The following ZNF606 variants were observed in gnomAD, a reference collection of about 807,000 sequenced individuals.
The protein encoded by ZNF606 is zinc finger protein 606, also known as zinc finger protein 328.
A neutral mutation model predicts 74.9 loss-of-function variants in ZNF606; 37 were observed. The ratio of observed to expected loss-of-function variants is 0.49; its 90% CI spans 0.38 to 0.65. ZNF606 has a LOEUF of 0.65. Ranked by LOEUF, ZNF606 falls within the 30% of genes least tolerant of loss-of-function variation. ZNF606 has a pLI of 0.00. For synonymous variants in ZNF606, 328 were observed against 312.4 expected (o/e 1.05, Z -0.53); for missense variants, 852 against 952.9 (o/e 0.89, Z 1.39).
At chr19:57,993,638 A>G (rs2073293287) in intron 4 of ZNF606, among the ~76,000 whole-genome samples, 1 of 152,214 alleles carries the variant, frequency 6.6e-6, no homozygotes, top group African/African-American at 2.4e-5. Context: ...GCCAGCAGCC[A>G]TGTACTTATA....
intron 3 of ZNF606, chr19:58,000,102 C>T (rs1194239056): frequency 7.1e-6 from 4 of 562,910 alleles, no homozygotes; most frequent in Non-Finnish European, 1.3e-5. Context: ...CCCCCCTGTG[C>T]TATTGGGTAC....
intron 4 of ZNF606, among the ~76,000 whole-genome samples, chr19:57,997,077 G>A (rs1389104088): frequency 6.6e-6 from 1 of 152,186 alleles, no homozygotes; most frequent in African/African-American, 2.4e-5. Flanking sequence ...AGATTTCATT[G>A]CAGAGAAGGA....
At chr19:57,988,354 CA>C in intron 5 of ZNF606, 52 bp from the exon 6 acceptor site, 1 of 1,557,246 alleles carries the variant, frequency 6.4e-7, no homozygotes, top group South Asian at 1.1e-5. Flanking sequence ...TCAGGACAGC[CA>C]AAGAAAGCTT....
intron 6 of ZNF606, among the ~76,000 whole-genome samples, chr19:57,981,240 C>T (rs117479305): frequency 0.024 from 3,673 of 152,194 alleles, 73 homozygotes; most frequent in Non-Finnish European, 0.042. Flanking sequence ...TTAAGTGTGC[C>T]CCATGTACGC....
At chr19:57,997,210 T>C (rs1169385896) in intron 4 of ZNF606, among the ~76,000 whole-genome samples, 4 of 152,238 alleles carry the variant, frequency 2.6e-5, no homozygotes, top group Admixed American at 2.0e-4. Flanking sequence ...ACAGAGGGGT[T>C]TGAATGCTTC....
chr19:57,987,322 T>G (rs1047402365), intron 6 of ZNF606, among the ~76,000 whole-genome samples: 3 of 152,020 alleles, frequency 2.0e-5, no homozygotes, highest in African/African-American at 7.2e-5. Flanking sequence ...CACAGCTCAC[T>G]ACAGCCTCAA....
At chr19:58,000,804 A>G (rs2073414662) in intron 2 of ZNF606, 65 bp from the exon 3 acceptor site, 1 of 1,456,516 alleles carries the variant, frequency 6.9e-7, no homozygotes, top group African/African-American at 1.4e-5. Flanking sequence ...ACAAAATACA[A>G]GAGGAGGCTG....
intron 4 of ZNF606, among the ~76,000 whole-genome samples, chr19:57,988,997 C>T (rs1247293221): frequency 6.6e-6 from 1 of 152,214 alleles, no homozygotes; most frequent in African/African-American, 2.4e-5. Flanking sequence ...TTCCAGCACA[C>T]TGGCTATGTC....
chr19:57,986,013 G>A (rs564991158), intron 6 of ZNF606, among the ~76,000 whole-genome samples: 6 of 151,994 alleles, frequency 3.9e-5, no homozygotes, highest in Non-Finnish European at 8.8e-5. Context: ...CACGTACAAG[G>A]GATCTTCAAT....
rs1164577640 is a variant in ZNF606 at position 58,001,977 on chromosome 19, C to G, written c.-52+419G>C. 2.3e-5 allele frequency: 8 copies of G among 353,442 alleles called. No individual in the cohort carries two copies. The East Asian group carries it at 5.3e-4, about 23-fold the overall frequency. The allele number at this position is 353,442 out of a possible 1,614,324, so 21.9% of individuals were successfully genotyped here. ...AGGACTTAGAGATGGGCCTGGCGCC[C>G]AGACCCCTAACTCCTCAGGTTCCAG... On this transcript the variant is annotated intron_variant, in intron 1 of 6. Transcript: ENST00000551380.
At chr19:57,987,759 C>T (rs1024685688) in intron 6 of ZNF606, among the ~76,000 whole-genome samples, 1 of 152,100 alleles carries the variant, frequency 6.6e-6, no homozygotes, top group Non-Finnish European at 1.5e-5. Context: ...ACCCGGGAGG[C>T]AGAGGTTGCA....
intron 4 of ZNF606, among the ~76,000 whole-genome samples, chr19:57,989,477 C>T (rs563521664): frequency 2.0e-5 from 3 of 152,120 alleles, no homozygotes; most frequent in East Asian, 2.0e-4. Context: ...GACAGAGTCT[C>T]GCTCTGTCGC....
intron 6 of ZNF606, among the ~76,000 whole-genome samples, chr19:57,981,761 A>G (rs13346776): frequency 0.16 from 23,636 of 152,212 alleles, 1,862 homozygotes; most frequent in African/African-American, 0.19. Flanking sequence ...GGATACCCCT[A>G]AAGTTACACT....
chr19:57,980,215 T>C lies in ZNF606; in HGVS notation c.465A>G (p.Gln155=), dbSNP rs201804347. Residue 155 remains glutamine (Q), a synonymous_variant, in exon 7 of 7, where the codon CAA becomes CAG. Coordinates refer to ENST00000551380, the MANE Select transcript of ZNF606 (RefSeq NM_001348022.3). The part of the protein sequence containing the change: ...IPAQSIFEEE[Q]SHGMKLERYI... The stretch of plus-strand genomic sequence containing the variant: ...ATCTTTCCAACTTCATGCCATGGGA[T>C]TGTTCTTCCTCAAAAATGCTCTGTG... 1.4e-5 allele frequency: 22 copies of C among 1,614,050 alleles called. No individual in the cohort carries two copies. The South Asian group carries it at 2.2e-4, about 16-fold the overall frequency.
chr19:57,992,393 A>G (rs1253721365), intron 4 of ZNF606, among the ~76,000 whole-genome samples: 1 of 152,176 alleles, frequency 6.6e-6, no homozygotes, highest in Non-Finnish European at 1.5e-5. Context: ...TACCAAATGA[A>G]TCTACTCAGG....
chr19:57,996,458 C>T (rs2073343471), intron 4 of ZNF606, among the ~76,000 whole-genome samples: 1 of 152,148 alleles, frequency 6.6e-6, no homozygotes, highest in Non-Finnish European at 1.5e-5. Flanking sequence ...CAAGATCGTC[C>T]CACTGCACTC....
In ZNF606 at chr19:57,978,426, T is replaced by C. The variant is rs2073022848; in HGVS notation, c.2254A>G (p.Ile752Val). 6.2e-7 allele frequency: 1 copy of C among 1,614,024 alleles called. No individual in the cohort carries two copies. The highest frequency in any genetic ancestry group is 8.5e-7 in the Non-Finnish European group (1 of 1,179,892). The change falls in exon 7 of 7, where the codon ATT becomes GTT. Residue 752 changes from isoleucine to valine, a missense_variant. By Grantham distance (29) the Ile-to-Val change is conservative. Around this residue, in one of 3 missense-constraint regions of ZNF606, gnomAD observed 64 missense variants for 51.1 expected, o/e 1.25. Coordinates refer to ENST00000551380, the MANE Select transcript of ZNF606 (RefSeq NM_001348022.3). The surrounding 1 kb of genome is among the most constrained non-coding windows in gnomAD (Gnocchi z 4.4). Reference sequence around the variant, plus strand: ...CCACTATGCATTCTCTGATGAATAATAAGGGAAGAATTCTTACAAAATGCT... The same window carrying C: ...CCACTATGCATTCTCTGATGAATAACAAGGGAAGAATTCTTACAAAATGCT... ...EKAFCKNSSL[I>V]IHQRMHSGEK...
At chr19:57,992,285 C>T (rs1371705203) in intron 4 of ZNF606, among the ~76,000 whole-genome samples, 1 of 152,146 alleles carries the variant, frequency 6.6e-6, no homozygotes, top group African/African-American at 2.4e-5. Context: ...CCCACTAACC[C>T]ATCATACCTG....
Position 57,978,509 on chromosome 19 carries a change from A to G in ZNF606, c.2171T>C (p.Ile724Thr), listed in dbSNP as rs2073024144. Reference sequence around the variant, plus strand: ...TCCAGTATGGTTTCTTAGGTGTACAATAAGGGATGAACTCTCATTAAATGC... The same window carrying G: ...TCCAGTATGGTTTCTTAGGTGTACAGTAAGGGATGAACTCTCATTAAATGC... ...GKAFNESSSL[I>T]VHLRNHTGEK... is the part of the protein sequence containing the mutation. The change falls in exon 7 of 7, where the codon ATT becomes ACT. Residue 724 changes from isoleucine to threonine, a missense_variant. This residue lies in a region of ZNF606 where 243 missense variants were observed against 359.2 expected (regional missense o/e 0.68). Transcript: ENST00000551380. The surrounding 1 kb of genome is among the most constrained non-coding windows in gnomAD (Gnocchi z 4.4). The G allele has an allele frequency of 1.2e-6, 2 of 1,614,018 alleles. No homozygotes were observed. Among genetic ancestry groups the G allele is most frequent in the Non-Finnish European group, 1.7e-6 (2 of 1,179,916 alleles).
Sources: allele counts gnomAD v4.1 joint callset (sites outside exome capture counted in the v4.1 genomes callset), GRCh38; gene constraint gnomAD v4.1.1; regional missense constraint gnomAD v4.1.1; non-coding constraint Gnocchi (gnomAD v3.1); transcripts MANE v1.5; gene names NCBI Gene and HGNC (gene_info 2026-07-23, HGNC 2026-07-21).